The following MINDY3 variants were observed in gnomAD, a reference collection of about 807,000 sequenced individuals.
The protein encoded by MINDY3 is MINDY lysine 48 deubiquitinase 3, also known as ubiquitin carboxyl-terminal hydrolase MINDY-3.
A neutral mutation model predicts 69.2 loss-of-function variants in MINDY3; 38 were observed. The observed-to-expected ratio is 0.55, with a 90% CI of 0.42 to 0.72. The LOEUF is 0.72. Ranked by LOEUF, MINDY3 falls within the 30% of genes least tolerant of loss-of-function variation. The pLI, the probability that MINDY3 is intolerant of heterozygous loss-of-function variation, is 0.00. For missense variants in MINDY3, 522 were observed against 519.0 expected (o/e 1.01, Z -0.06); for synonymous variants, 192 against 180.1 (o/e 1.07, Z -0.53).
In MINDY3 at chr10:15,859,300, T is replaced by C. The variant is rs530226119; in HGVS notation, c.94+906A>G. 3.4e-4 allele frequency among the ~76,000 whole-genome samples: 52 copies of C among 152,246 alleles called. No homozygotes were observed. The Middle Eastern group carries it at 0.01, about 30-fold the overall frequency. On this transcript the variant is annotated intron_variant, in intron 1 of 14. Coordinates refer to ENST00000277632, the MANE Select transcript of MINDY3 (RefSeq NM_024948.4). ...CCCAATCTATTTCGGGAACAGGTGTTCCCTAAATAGATGTTTTAATAATAA... is the reference window on the plus strand; with the variant it reads ...CCCAATCTATTTCGGGAACAGGTGTCCCCTAAATAGATGTTTTAATAATAA...
At chr10:15,785,840 T>C (rs1444270586) in intron 13 of MINDY3, among the ~76,000 whole-genome samples, 1 of 152,198 alleles carries the variant, frequency 6.6e-6, no homozygotes, top group African/African-American at 2.4e-5. Context: ...TCTCTAATAA[T>C]AGCGGTAAAA....
At chr10:15,803,680 C>G (rs2131919068) in intron 10 of MINDY3, among the ~76,000 whole-genome samples, 1 of 152,096 alleles carries the variant, frequency 6.6e-6, no homozygotes, top group African/African-American at 2.4e-5. Context: ...AGAGAAAAAC[C>G]CAGTCTGTGC....
chr10:15,792,143 T>TATTA (rs1356314136), intron 11 of MINDY3, among the ~76,000 whole-genome samples: 1 of 152,056 alleles, frequency 6.6e-6, no homozygotes, highest in African/African-American at 2.4e-5. Context: ...CCTTAGTATT[T>TATTA]ATTAAATTGT....
chr10:15,853,525 C>T (rs1834457049), intron 1 of MINDY3, among the ~76,000 whole-genome samples: 1 of 151,990 alleles, frequency 6.6e-6, no homozygotes, highest in African/African-American at 2.4e-5. Context: ...ACTACAGAGC[C>T]AATTTAAGAA....
At chr10:15,822,487 C>T (rs1300844663) in intron 8 of MINDY3, among the ~76,000 whole-genome samples, 1 of 152,134 alleles carries the variant, frequency 6.6e-6, no homozygotes, top group Non-Finnish European at 1.5e-5. Flanking sequence ...GAAGAAACAA[C>T]AAACAGGTAT....
At chr10:15,831,563 CA>C (rs1328408296) in intron 8 of MINDY3, among the ~76,000 whole-genome samples, 7 of 149,046 alleles carry the variant, frequency 4.7e-5, no homozygotes, top group African/African-American at 1.7e-4. Flanking sequence ...TTTCAAGGAA[CA>C]AAAACGACAT....
Position 15,779,104 on chromosome 10 carries a change from A to G in MINDY3, c.1226T>C (p.Phe409Ser). Residue 409 changes from phenylalanine (F) to serine (S), a missense_variant, in exon 15 of 15, where the codon TTT (phenylalanine) becomes TCT (serine). Phe to Ser is a radical substitution (Grantham distance 155). Transcript: ENST00000277632. ...YVEGTAVVMGFEDPMLQTDDT... is the reference protein window; with the variant it reads ...YVEGTAVVMGSEDPMLQTDDT... ...ATCTGTCTGTAGCATGGGATCTTCAAAACCCATCACAACTGCAGTCCCTTC... is the reference window on the plus strand; with the variant it reads ...ATCTGTCTGTAGCATGGGATCTTCAGAACCCATCACAACTGCAGTCCCTTC... 1 of 1,613,644 alleles carries G rather than the reference A, an allele frequency of 6.2e-7. No homozygotes were observed. The highest frequency in any genetic ancestry group is 1.3e-5 in the African/African-American group (1 of 75,018).
At chr10:15,834,801 T>C (rs1346534822) in intron 6 of MINDY3, among the ~76,000 whole-genome samples, 185 bp from the exon 7 acceptor site, 4 of 152,094 alleles carry the variant, frequency 2.6e-5, no homozygotes, top group Non-Finnish European at 5.9e-5. Context: ...CTCAAATATC[T>C]TTTATTTTCT....
At position 15,857,187 on chromosome 10, in the gene MINDY3, T is replaced by A. The variant is rs192412674; in HGVS notation, c.94+3019A>T. On this transcript the variant is annotated intron_variant, in intron 1 of 14. Coordinates refer to ENST00000277632, the MANE Select transcript of MINDY3 (RefSeq NM_024948.4). ...TCCTGCCACACTAACTTCCTTCTTG[T>A]TCCTTAAACAGACCAAGTGTATTTT... is the stretch of plus-strand genomic sequence containing the variant. 2.6e-3 allele frequency among the ~76,000 whole-genome samples: 398 copies of A among 152,256 alleles called. 1 individual carries two copies. Among genetic ancestry groups the A allele is most frequent in the African/African-American group, 8.1e-3 (338 of 41,558 alleles).
intron 1 of MINDY3, among the ~76,000 whole-genome samples, chr10:15,856,569 G>A (rs550838657): frequency 1.6e-4 from 24 of 152,170 alleles, no homozygotes; most frequent in African/African-American, 5.3e-4. Context: ...TCCCTCAGGC[G>A]TCAGCAAACT....
At chr10:15,849,872 C>G (rs531768959) in intron 1 of MINDY3, among the ~76,000 whole-genome samples, 9 of 152,194 alleles carry the variant, frequency 5.9e-5, no homozygotes, top group Non-Finnish European at 1.2e-4. Flanking sequence ...CAAAGTCCAG[C>G]TAGTCATCTA....
intron 5 of MINDY3, chr10:15,837,622 T>C (rs1833179719): frequency 3.1e-6 from 4 of 1,270,966 alleles, no homozygotes; most frequent in Admixed American, 3.1e-5. Flanking sequence ...ATTTAAAGAA[T>C]AGAGTGGCCT....
rs1186456546 is a variant in MINDY3, at chr10:15,796,081, T to G, written c.955+19A>C. On this transcript the variant is annotated intron_variant, in intron 11 of 14. Transcript: ENST00000277632. ...CATATGAAGACATAAAACACAGAGA[T>G]GATGTTAAAATCTTTTACCTTCTGG... 3 of 1,590,784 alleles carry G rather than the reference T, an allele frequency of 1.9e-6. No homozygotes were observed. The highest frequency in any genetic ancestry group is 2.2e-5 in the South Asian group (2 of 90,464).
intron 1 of MINDY3, among the ~76,000 whole-genome samples, chr10:15,851,037 G>C (rs1037238228): frequency 3.3e-5 from 5 of 152,144 alleles, no homozygotes; most frequent in East Asian, 1.9e-4. Flanking sequence ...CATCAGTACA[G>C]GCTAGTTCCC....
chr10:15,849,941 T>C (rs1161962820), intron 1 of MINDY3, among the ~76,000 whole-genome samples: 1 of 152,184 alleles, frequency 6.6e-6, no homozygotes, highest in African/African-American at 2.4e-5. Flanking sequence ...CTAATCTGGT[T>C]TTCAACCCAT....
rs565333871 is a variant in MINDY3, at chr10:15,778,219, A to T, written c.*773T>A. 4 of 152,242 alleles carry T rather than the reference A, an allele frequency of 2.6e-5. No individual in the cohort carries two copies. The highest frequency in any genetic ancestry group is 5.9e-5 in the Non-Finnish European group (4 of 68,046). 9.4% of individuals were successfully genotyped at this position (152,242 alleles called of 1,614,324 possible). ...TTAGGCCATCAACTAGGATCATAAT[A>T]AATAACGTAATATACTAATGTAATA... On this transcript the variant is annotated 3_prime_UTR_variant, in exon 15 of 15. Coordinates refer to ENST00000277632, the MANE Select transcript of MINDY3 (RefSeq NM_024948.4).
intron 13 of MINDY3, among the ~76,000 whole-genome samples, chr10:15,784,021 T>C (rs866646159): frequency 6.6e-6 from 1 of 152,218 alleles, no homozygotes; most frequent in South Asian, 2.1e-4. Flanking sequence ...ACCTAGTGTA[T>C]GACCTTAAAC....
At chr10:15,833,603 G>C (rs550826094) in intron 8 of MINDY3, 27 bp downstream of exon 8, 1 of 1,375,858 alleles carries the variant, frequency 7.3e-7, no homozygotes, top group Non-Finnish European at 1.0e-6. Flanking sequence ...TCATCAAAGA[G>C]AGCAACATAA....
At chr10:15,844,143 T>C (rs904359639) in intron 2 of MINDY3, among the ~76,000 whole-genome samples, 10 of 152,286 alleles carry the variant, frequency 6.6e-5, no homozygotes, top group African/African-American at 2.4e-4. Context: ...GAAGATTATA[T>C]GAGAAAATCT....
Sources: gnomAD v4.1 joint callset for allele counts (sites outside exome capture counted in the v4.1 genomes callset) on GRCh38, gnomAD v4.1.1 for gene constraint, MANE v1.5 for transcripts, NCBI Gene and HGNC (gene_info 2026-07-23, HGNC 2026-07-21) for gene names.